Variants in CPA4 observed in about 807,000 individuals in gnomAD.
The protein encoded by CPA4 is carboxypeptidase A3.
A neutral mutation model predicts 54.7 loss-of-function variants in CPA4; 49 were observed. That is an observed-to-expected ratio of 0.90 (90% CI 0.71 to 1.14). The LOEUF (loss-of-function observed/expected upper bound fraction) is 1.14. CPA4 is among the 50% of genes most tolerant of loss of function. CPA4 has a pLI of 0.00. For synonymous variants in CPA4, 215 were observed against 206.8 expected (o/e 1.04, Z -0.34); for missense variants, 487 against 525.1 (o/e 0.93, Z 0.71).
At chr7:130,294,425 C>T (rs961939111) in intron 1 of CPA4, among the ~76,000 whole-genome samples, 9 of 152,168 alleles carry the variant, frequency 5.9e-5, no homozygotes, top group Admixed American at 1.3e-4. Flanking sequence ...TGCCAAATAG[C>T]TCAGAGGGGT....
chr7:130,299,213 C>T (rs1481275302), intron 2 of CPA4, 57 bp from the exon 3 acceptor site: 1 of 1,556,798 alleles, frequency 6.4e-7, no homozygotes, highest in East Asian at 2.2e-5. Flanking sequence ...AGAATAACCT[C>T]ATTGTGCATT....
Position 130,322,535 on chromosome 7 carries a change from C to T in CPA4, c.1125C>T (p.Ile375=). 1 of 1,614,144 alleles carries T rather than the reference C, an allele frequency of 6.2e-7. No individual in the cohort carries two copies. The highest frequency in any genetic ancestry group is 8.5e-7 in the Non-Finnish European group (1 of 1,179,998). ...SSIDWAYDNG[I]KFAFTFELRD... ...TCGACTGGGCATATGACAACGGCAT[C>T]AAATTTGCATTCACATTTGAGTTGA... Residue 375 remains isoleucine, a synonymous_variant, in exon 11 of 11, where the codon ATC becomes ATT. Coordinates refer to ENST00000222482, the MANE Select transcript of CPA4 (RefSeq NM_016352.4).
chr7:130,295,043 G>A (rs1223438473), intron 1 of CPA4, among the ~76,000 whole-genome samples: 1 of 152,176 alleles, frequency 6.6e-6, no homozygotes, highest in Non-Finnish European at 1.5e-5. Context: ...TCTTCAGGAT[G>A]GGACAATGGC....
At position 130,305,905 on chromosome 7, in the gene CPA4, C is replaced by G; in HGVS notation, c.576C>G (p.Ile192Met). 1 of 1,613,758 alleles carries G rather than the reference C, an allele frequency of 6.2e-7. No individual in the cohort carries two copies. The change falls in exon 6 of 11, where the codon ATC (isoleucine) becomes ATG (methionine). Residue 192 changes from isoleucine (I) to methionine (M), a missense_variant. Physicochemically the swap from Ile to Met is conservative, Grantham distance 10 (BLOSUM62 1). Transcript: ENST00000222482. Reference protein sequence around the residue: ...SREWISQATAIWTARKIVSDY... With the variant: ...SREWISQATAMWTARKIVSDY... ...AGTGGATCTCCCAGGCCACTGCAAT[C>G]TGGACGGCAAGGAAGGTCATGCTGC...
chr7:130,297,808 C>T (rs1001980359), intron 1 of CPA4, among the ~76,000 whole-genome samples: 1 of 152,216 alleles, frequency 6.6e-6, no homozygotes, highest in Non-Finnish European at 1.5e-5. Context: ...TTCTTTGGAG[C>T]TGTCACCTAG....
intron 10 of CPA4, among the ~76,000 whole-genome samples, chr7:130,314,050 C>A (rs1793953455): frequency 6.6e-6 from 1 of 152,126 alleles, no homozygotes; most frequent in Non-Finnish European, 1.5e-5. Context: ...ATGTGGGCAC[C>A]AGGGACAACA....
At chr7:130,315,345 G>C (rs1388949652) in intron 10 of CPA4, among the ~76,000 whole-genome samples, 5 of 152,142 alleles carry the variant, frequency 3.3e-5, no homozygotes, top group Admixed American at 3.3e-4. Flanking sequence ...TGGAGGTTTA[G>C]GTGGGAGTGC....
intron 10 of CPA4, among the ~76,000 whole-genome samples, chr7:130,315,598 G>T (rs889407155): frequency 6.6e-5 from 10 of 152,054 alleles, no homozygotes; most frequent in Non-Finnish European, 1.5e-4. Flanking sequence ...CCGAACCTGG[G>T]GATGATTTAT....
At chr7:130,303,140 T>C (rs1261433177) in intron 4 of CPA4, among the ~76,000 whole-genome samples, 2 of 152,242 alleles carry the variant, frequency 1.3e-5, no homozygotes, top group African/African-American at 4.8e-5. Context: ...TTACACATTT[T>C]CCTCCTCTGT....
At chr7:130,301,939 A>G (rs747056965) in intron 4 of CPA4, among the ~76,000 whole-genome samples, 10 of 152,224 alleles carry the variant, frequency 6.6e-5, no homozygotes, top group Non-Finnish European at 1.5e-4. Flanking sequence ...AGCCTCATGA[A>G]CATGGGGCCC....
At chr7:130,317,835 C>T (rs1478465431) in intron 10 of CPA4, among the ~76,000 whole-genome samples, 2 of 152,064 alleles carry the variant, frequency 1.3e-5, no homozygotes, top group Non-Finnish European at 2.9e-5. Context: ...CCTGCAAACT[C>T]GCTGCTGTTT....
chr7:130,320,088 A>C (rs1467922250), intron 10 of CPA4, among the ~76,000 whole-genome samples: 1 of 152,186 alleles, frequency 6.6e-6, no homozygotes, highest in East Asian at 1.9e-4. Context: ...AGTGTCTAAA[A>C]TGTCCACCTA....
intron 1 of CPA4, among the ~76,000 whole-genome samples, chr7:130,296,005 C>T (rs1475894140): frequency 6.6e-6 from 1 of 152,146 alleles, no homozygotes; most frequent in Non-Finnish European, 1.5e-5. Flanking sequence ...GATAATGCTA[C>T]CCACTACCAC....
intron 7 of CPA4, 120 bp downstream of exon 7, chr7:130,307,017 A>C: frequency 1.4e-6 from 1 of 693,564 alleles, no homozygotes; most frequent in Non-Finnish European, 2.6e-6. Context: ...TTGGGATTTC[A>C]TCTTCTAGTC....
intron 6 of CPA4, 88 bp from the exon 7 acceptor site, chr7:130,306,699 T>A: frequency 1.3e-6 from 1 of 774,682 alleles, no homozygotes; most frequent in Non-Finnish European, 2.2e-6. Flanking sequence ...TTCTAGCTGG[T>A]TGCTGGGCAT....
chr7:130,310,700 C>T lies in CPA4; in HGVS notation c.794-87C>T. 2.3e-6 allele frequency: 3 copies of T among 1,281,372 alleles called. No homozygotes were observed. Among genetic ancestry groups the T allele is most frequent in the South Asian group, 1.2e-5 (1 of 80,348 alleles). The allele number at this position is 1,281,372 out of a possible 1,614,324, so 79.4% of individuals were successfully genotyped here. A position where few individuals can be genotyped will look rare whatever the true frequency, so the allele number is the denominator to read the frequency against. ...CGCCATGGCCTGCCCATTCCCAATA[C>T]CTTCGGCCCCTCTCTAGGTGGAGCG... On this transcript the variant is annotated intron_variant, in intron 8 of 10. Transcript: ENST00000222482. This position sits in a 1 kb window ranked among gnomAD's most constrained non-coding sequence, Gnocchi z 4.3.
At position 130,324,053 on chromosome 7, in the gene CPA4, T is replaced by TTTG. The variant is rs35083570; in HGVS notation, c.*1386_*1388dup. 0.98 allele frequency: 148,803 copies of TTTG among 152,442 alleles called. 72,731 individuals carry two copies. The highest frequency in any genetic ancestry group is 1 in the East Asian group (5,165 of 5,166). 9.4% of individuals were successfully genotyped at this position (152,442 alleles called of 1,614,324 possible). On this transcript the variant is annotated 3_prime_UTR_variant, in exon 11 of 11. Transcript: ENST00000222482. The stretch of plus-strand genomic sequence containing the variant: ...CACCTCAGCACGTACCATCTGTCCT[T>TTTG]TTGTTGTTGTTTTGTTTTTGTTTTT...
At chr7:130,304,757 AG>A in intron 5 of CPA4, 178 bp downstream of exon 5, 1 of 609,272 alleles carries the variant, frequency 1.6e-6, no homozygotes. Context: ...TGTCTAATGT[AG>A]GGGGAGTTAG....
At chr7:130,314,227 C>A (rs1793955694) in intron 10 of CPA4, among the ~76,000 whole-genome samples, 1 of 151,994 alleles carries the variant, frequency 6.6e-6, no homozygotes, top group South Asian at 2.1e-4. Context: ...TGTTAAGGAC[C>A]CTACAGGGAA....
Sources: gnomAD v4.1 joint callset for allele counts (sites outside exome capture counted in the v4.1 genomes callset) on GRCh38, gnomAD v4.1.1 for gene constraint, Gnocchi (gnomAD v3.1) non-coding constraint, MANE v1.5 for transcripts, NCBI Gene and HGNC (gene_info 2026-07-23, HGNC 2026-07-21) for gene names.